TIE1: variants seen among roughly 807,000 people sequenced by gnomAD.
TIE1 encodes tyrosine-protein kinase receptor Tie-1.
Under a neutral mutation model 130.5 loss-of-function variants are expected in TIE1, and 89 were observed. The ratio of observed to expected loss-of-function variants is 0.68; its 90% CI spans 0.57 to 0.81. The LOEUF (loss-of-function observed/expected upper bound fraction) is 0.81, where lower values mean the gene tolerates loss of function less well. Among genes scored for constraint, TIE1 ranks in the 40% least tolerant of loss-of-function variants. The pLI, the probability that TIE1 is intolerant of heterozygous loss-of-function variation, is 0.00. For missense variants in TIE1, 1,392 were observed against 1,559.8 expected, an observed-to-expected ratio of 0.89 and a Z score of 1.81; for synonymous variants, 568 against 629.4, an observed-to-expected ratio of 0.90 and a Z score of 1.46.
intron 1 of TIE1, among the ~76,000 whole-genome samples, chr1:43,301,637 C>G (rs1408202067): frequency 6.6e-6 from 1 of 151,256 alleles, no homozygotes; most frequent in East Asian, 1.9e-4. Flanking sequence ...TTTGGGAGGC[C>G]GAGCGGGTGG....
At position 43,305,160 on chromosome 1, in the gene TIE1, C is replaced by T; in HGVS notation, c.368C>T (p.Pro123Leu). 1 of 1,614,036 alleles carries T rather than the reference C, an allele frequency of 6.2e-7. No homozygotes were observed. ...RTRVIYVHNS[P>L]GAHLLPDKVT... ...CGCGTCATCTACGTGCACAACAGCC[C>T]TGGAGGTGAGTTAGGCAGGCGGGGG... Residue 123 changes from proline to leucine, a missense_variant, in exon 2 of 23, where the codon CCT becomes CTT. By Grantham distance (98) the Pro-to-Leu change is moderately conservative. Around this residue, in one of 6 missense-constraint regions of TIE1, gnomAD observed 415 missense variants for 424.8 expected, o/e 0.98. Transcript: ENST00000372476.
rs754077995 is a variant in TIE1, at chr1:43,304,919, T to G, written c.127T>G (p.Cys43Gly). The G allele has an allele frequency of 2.3e-5, 33 of 1,439,426 alleles. No individual in the cohort carries two copies. The highest frequency in any genetic ancestry group is 2.1e-5 in the Non-Finnish European group (23 of 1,101,832). The allele number at this position is 1,439,426 out of a possible 1,614,324, so 89.2% of individuals were successfully genotyped here. Residue 43 changes from cysteine to glycine, a missense_variant, in exon 2 of 23, where the codon TGC becomes GGC. Coordinates refer to ENST00000372476, the MANE Select transcript of TIE1 (RefSeq NM_005424.5). ...LTDPQRFFLT[C>G]VSGEAGAGRG... Reference sequence around the variant, plus strand: ...GGACCCCCAGCGCTTCTTCCTGACTTGCGTGTCTGGGGAGGCCGGGGCGGG... The same window carrying G: ...GGACCCCCAGCGCTTCTTCCTGACTGGCGTGTCTGGGGAGGCCGGGGCGGG...
Position 43,317,325 on chromosome 1 carries a change from G to A in TIE1, c.2536G>A (p.Gly846Arg), listed in dbSNP as rs1289117410. ...GGACATCACCTTTGAGGACCTCATC[G>A]GGGAGGGGAACTTCGGCCAGGTCAT... ...WEDITFEDLIGEGNFGQVIRA... is the reference protein window; with the variant it reads ...WEDITFEDLIREGNFGQVIRA... Residue 846 changes from glycine (G) to arginine (R), a missense_variant, in exon 15 of 23, where the codon GGG becomes AGG. Physicochemically the swap from Gly to Arg is moderately radical, Grantham distance 125. Transcript: ENST00000372476. The surrounding 1 kb of genome is among the most constrained non-coding windows in gnomAD (Gnocchi z 5.1). The A allele has an allele frequency of 2.5e-6, 4 of 1,614,082 alleles. No homozygotes were observed. Among genetic ancestry groups the A allele is most frequent in the South Asian group, 1.1e-5 (1 of 91,084 alleles).
chr1:43,322,756 C>G lies in TIE1; in HGVS notation c.*34C>G, dbSNP rs200594644. The stretch of plus-strand genomic sequence containing the variant: ...CCAGCCAGAACGTGGCTCTGCTGGC[C>G]GGAGCAAACTCTGCTGTCTAACCTG... On this transcript the variant is annotated 3_prime_UTR_variant, in exon 23 of 23. Coordinates refer to ENST00000372476, the MANE Select transcript of TIE1 (RefSeq NM_005424.5). The surrounding 1 kb of genome is among the most constrained non-coding windows in gnomAD (Gnocchi z 4.0). 4 of 1,602,642 alleles carry G rather than the reference C, an allele frequency of 2.5e-6. No homozygotes were observed. The highest frequency in any genetic ancestry group is 3.4e-6 in the Non-Finnish European group (4 of 1,172,022).
intron 19 of TIE1, 55 bp from the exon 20 acceptor site, chr1:43,321,214 A>C: frequency 6.2e-7 from 1 of 1,601,040 alleles, no homozygotes; most frequent in Non-Finnish European, 8.6e-7. Flanking sequence ...GGTAGAAGCT[A>C]AACTGCTAGG....
chr1:43,314,192 ATT>A, intron 14 of TIE1: 1 of 726,568 alleles, frequency 1.4e-6, no homozygotes, highest in Non-Finnish European at 2.2e-6. Context: ...GTGGTGAAAT[ATT>A]TAATATTCCC....
intron 7 of TIE1, among the ~76,000 whole-genome samples, chr1:43,308,163 A>T (rs1184297524): frequency 6.6e-6 from 1 of 152,234 alleles, no homozygotes; most frequent in Non-Finnish European, 1.5e-5. Flanking sequence ...TGGAAAGGGC[A>T]GCAGCCCAGA....
chr1:43,307,308 A>T lies in TIE1; in HGVS notation c.772+35A>T. 1.9e-6 allele frequency: 3 copies of T among 1,613,698 alleles called. No individual in the cohort carries two copies. The highest frequency in any genetic ancestry group is 1.7e-6 in the Non-Finnish European group (2 of 1,179,876). On this transcript the variant is annotated intron_variant, in intron 5 of 22. Transcript: ENST00000372476. The surrounding 1 kb of genome is among the most constrained non-coding windows in gnomAD (Gnocchi z 5.4). ...AGGGGAGCTAGGACCCAGGCAGGAG[A>T]GGATCCCTGACTGGGAGAAGACCCT...
rs1252453725 is a variant in TIE1 at position 43,311,742 on chromosome 1, G to C, written c.1405G>C (p.Val469Leu). ...QSRQLVVSPL[V>L]SFSGDGPIST... ...CCGCCAGCTTGTGGTCTCCCCGCTG[G>C]TCTCGTTCTCTGGGGATGGACCCAT... is the stretch of plus-strand genomic sequence containing the variant. The change falls in exon 10 of 23, where the codon GTC becomes CTC. Residue 469 changes from valine to leucine, a missense_variant. By Grantham distance (32) the Val-to-Leu change is conservative. Coordinates refer to ENST00000372476, the MANE Select transcript of TIE1 (RefSeq NM_005424.5). The C allele has an allele frequency of 6.2e-7, 1 of 1,613,986 alleles. No homozygotes were observed. Among genetic ancestry groups the C allele is most frequent in the Non-Finnish European group, 8.5e-7 (1 of 1,180,018 alleles).
chr1:43,322,723 G>A lies in TIE1; in HGVS notation c.*1G>A, dbSNP rs200899742. 165 of 1,613,530 alleles carry A rather than the reference G, an allele frequency of 1.0e-4. 1 individual carries two copies. In the South Asian group the frequency reaches 1.7e-3, roughly 17 times the overall value. ...TGATGCCACAGCTGAGGAGGCCTGA[G>A]CTGCCATCCAGCCAGAACGTGGCTC... On this transcript the variant is annotated 3_prime_UTR_variant, in exon 23 of 23. Coordinates refer to ENST00000372476, the MANE Select transcript of TIE1 (RefSeq NM_005424.5). The surrounding 1 kb of genome is among the most constrained non-coding windows in gnomAD (Gnocchi z 4.0).
Position 43,315,890 on chromosome 1 carries a change from A to G in TIE1, c.2410-1309A>G, listed in dbSNP as rs1646853952. On this transcript the variant is annotated intron_variant, in intron 14 of 22. Coordinates refer to ENST00000372476, the MANE Select transcript of TIE1 (RefSeq NM_005424.5). This position sits in a 1 kb window ranked among gnomAD's most constrained non-coding sequence, Gnocchi z 4.4. The stretch of plus-strand genomic sequence containing the variant: ...CAACATGGCAAAACCCCATCTCTAC[A>G]ATAAAAGAAAATATGAAAATTAGAT... Among the ~76,000 whole-genome samples the G allele has an allele frequency of 6.6e-6, 1 of 151,944 alleles. No individual in the cohort carries two copies. Among genetic ancestry groups the G allele is most frequent in the East Asian group, 1.9e-4 (1 of 5,148 alleles).
At position 43,306,786 on chromosome 1, in the gene TIE1, G is replaced by A; in HGVS notation, c.485-54G>A. On this transcript the variant is annotated intron_variant, in intron 3 of 22. Transcript: ENST00000372476. This position sits in a 1 kb window ranked among gnomAD's most constrained non-coding sequence, Gnocchi z 4.9. ...AGCTGAGCAGAGGTGGACAGAGAGAGGTGACACAGCCCTCATGTAGTGCTG... is the reference window on the plus strand; with the variant it reads ...AGCTGAGCAGAGGTGGACAGAGAGAAGTGACACAGCCCTCATGTAGTGCTG... 1.3e-6 allele frequency: 2 copies of A among 1,549,452 alleles called. No individual in the cohort carries two copies. The highest frequency in any genetic ancestry group is 1.7e-6 in the Non-Finnish European group (2 of 1,147,506).
chr1:43,311,815 G>T lies in TIE1; in HGVS notation c.1478G>T (p.Trp493Leu). 6.2e-7 allele frequency: 1 copy of T among 1,613,324 alleles called. No individual in the cohort carries two copies. The highest frequency in any genetic ancestry group is 1.1e-5 in the South Asian group (1 of 90,992). Residue 493 changes from tryptophan to leucine, a missense_variant, in exon 10 of 23, where the codon TGG (tryptophan) becomes TTG (leucine). Physicochemically the swap from Trp to Leu is moderately conservative, Grantham distance 61. Around this residue, in one of 6 missense-constraint regions of TIE1, gnomAD observed 551 missense variants for 565.5 expected, o/e 0.97. Transcript: ENST00000372476. ...CGGCCCCAGGACAGTACCATGGACT[G>T]GTCGACCATTGTGGGTGAGTAGGGA... is the stretch of plus-strand genomic sequence containing the variant. ...HYRPQDSTMD[W>L]STIVVDPSEN...
rs1162795883 is a variant in TIE1 at position 43,321,406 on chromosome 1, C to T, written c.3159C>T (p.Pro1053=). The T allele has an allele frequency of 1.2e-6, 2 of 1,613,902 alleles. No individual in the cohort carries two copies. Among genetic ancestry groups the T allele is most frequent in the Non-Finnish European group, 1.7e-6 (2 of 1,179,942 alleles). The change falls in exon 21 of 23, where the codon CCC becomes CCT. Residue 1053 remains proline (P), a synonymous_variant. Coordinates refer to ENST00000372476, the MANE Select transcript of TIE1 (RefSeq NM_005424.5). The stretch of plus-strand genomic sequence containing the variant: ...TGTCCCCTCCTGCAGGAGGTACACC[C>T]TACTGTGGCATGACCTGTGCCGAGC... The part of the protein sequence containing the change: ...LWEIVSLGGT[P]YCGMTCAELY...
At position 43,313,211 on chromosome 1, in the gene TIE1, G is replaced by A; in HGVS notation, c.2004G>A (p.Glu668=). 1 of 1,613,962 alleles carries A rather than the reference G, an allele frequency of 6.2e-7. No individual in the cohort carries two copies. Among genetic ancestry groups the A allele is most frequent in the Non-Finnish European group, 8.5e-7 (1 of 1,179,918 alleles). ...TCCAGCTGACATGGAAGCACCCGGA[G>A]GCTCTGCCTGGGCCAATATCCAAGT... ...SEIQLTWKHP[E]ALPGPISKYV... The change falls in exon 13 of 23, where the codon GAG becomes GAA. Residue 668 remains glutamate, a synonymous_variant. Coordinates refer to ENST00000372476, the MANE Select transcript of TIE1 (RefSeq NM_005424.5). The surrounding 1 kb of genome is among the most constrained non-coding windows in gnomAD (Gnocchi z 6.2).
chr1:43,317,137 C>A lies in TIE1; in HGVS notation c.2410-62C>A. On this transcript the variant is annotated intron_variant, in intron 14 of 22. Transcript: ENST00000372476. The surrounding 1 kb of genome is among the most constrained non-coding windows in gnomAD (Gnocchi z 5.1). The stretch of plus-strand genomic sequence containing the variant: ...AAACCTCCTCGTGTGCCTGTCTGTG[C>A]CTCCTTCCGCCCCCTTTGACTCTTG... The A allele has an allele frequency of 6.4e-7, 1 of 1,560,316 alleles. No individual in the cohort carries two copies. Among genetic ancestry groups the A allele is most frequent in the South Asian group, 1.1e-5 (1 of 89,852 alleles).
At chr1:43,314,352 T>C (rs764391537) in intron 14 of TIE1, 8 of 1,151,914 alleles carry the variant, frequency 6.9e-6, no homozygotes, top group Non-Finnish European at 7.6e-6. Flanking sequence ...GGAAGGGCAC[T>C]TGGGGTTCAT....
rs764558697 is a variant in TIE1, at chr1:43,306,835, C to T, written c.485-5C>T. On this transcript the variant is annotated splice_region_variant and splice_polypyrimidine_tract_variant and intron_variant, in intron 3 of 22. Transcript: ENST00000372476. This position sits in a 1 kb window ranked among gnomAD's most constrained non-coding sequence, Gnocchi z 4.9. ...TGAGGCCCCTGACACATTCATGTCC[C>T]CCAGGATCCTACTTCTACACCCTGG... The T allele has an allele frequency of 1.2e-5, 20 of 1,606,794 alleles. No homozygotes were observed. Among genetic ancestry groups the T allele is most frequent in the Non-Finnish European group, 1.5e-5 (18 of 1,176,362 alleles).
At chr1:43,301,170 G>A (rs757045201) in intron 1 of TIE1, 41 bp downstream of exon 1, 59 of 1,594,254 alleles carry the variant, frequency 3.7e-5, no homozygotes, top group Non-Finnish European at 4.8e-5. Context: ...TCTAGGCCCC[G>A]AGGCCCTGAT....
Sources: allele counts gnomAD v4.1 joint callset (sites outside exome capture counted in the v4.1 genomes callset), GRCh38; gene constraint gnomAD v4.1.1; regional missense constraint gnomAD v4.1.1; non-coding constraint Gnocchi (gnomAD v3.1); transcripts MANE v1.5; gene names NCBI Gene and HGNC (gene_info 2026-07-23, HGNC 2026-07-21).